Variants in ALDH2 observed in about 807,000 individuals in gnomAD.
ALDH2 encodes the protein aldehyde dehydrogenase, mitochondrial.
A neutral mutation model predicts 59.6 loss-of-function variants in ALDH2; 44 were observed. The ratio of observed to expected loss-of-function variants is 0.74; its 90% CI spans 0.58 to 0.95. ALDH2 has a LOEUF of 0.95. Among genes scored for constraint, ALDH2 ranks in the 40% least tolerant of loss-of-function variants. The pLI is 0.00. For missense variants in ALDH2, 570 were observed against 696.3 expected, an observed-to-expected ratio of 0.82 and a Z score of 2.04; for synonymous variants, 291 against 284.0, an observed-to-expected ratio of 1.02 and a Z score of -0.25.
intron 1 of ALDH2, among the ~76,000 whole-genome samples, chr12:111,768,016 T>A (rs1281933480): frequency 6.6e-6 from 1 of 152,264 alleles, no homozygotes; most frequent in Non-Finnish European, 1.5e-5. Context: ...TGTGCAGCAC[T>A]GTTCTAAGCG....
intron 2 of ALDH2, 79 bp from the exon 3 acceptor site, chr12:111,783,079 T>C (rs1336848515): frequency 1.8e-5 from 27 of 1,530,616 alleles, no homozygotes; most frequent in Non-Finnish European, 2.3e-5. Flanking sequence ...ACCTTCTGGA[T>C]GTGTTTGTAT....
intron 9 of ALDH2, among the ~76,000 whole-genome samples, chr12:111,796,766 T>A (rs2068407744): frequency 6.6e-6 from 1 of 151,476 alleles, no homozygotes; most frequent in African/African-American, 2.4e-5. Context: ...ATTACCCAGG[T>A]GTGGTGGCAC....
intron 1 of ALDH2, among the ~76,000 whole-genome samples, chr12:111,781,306 A>G (rs1431949077): frequency 6.6e-6 from 1 of 152,132 alleles, no homozygotes; most frequent in African/African-American, 2.4e-5. Flanking sequence ...GGCAGAAATG[A>G]GGCCAAGTGA....
intron 1 of ALDH2, among the ~76,000 whole-genome samples, chr12:111,773,600 T>C (rs1305251967): frequency 6.6e-6 from 1 of 152,164 alleles, no homozygotes; most frequent in East Asian, 1.9e-4. Context: ...AAGTTCACAT[T>C]AAGTATAACT....
chr12:111,784,884 T>C (rs1291153125), intron 3 of ALDH2, among the ~76,000 whole-genome samples: 2 of 152,220 alleles, frequency 1.3e-5, no homozygotes, highest in East Asian at 1.9e-4. Context: ...TGCAAGTCAC[T>C]ACATCCGGCC....
chr12:111,772,128 CTT>C, intron 1 of ALDH2, among the ~76,000 whole-genome samples: 1 of 152,012 alleles, frequency 6.6e-6, no homozygotes, highest in Non-Finnish European at 1.5e-5. Context: ...ACAAAAAAAA[CTT>C]AATACCCCAT....
intron 9 of ALDH2, among the ~76,000 whole-genome samples, chr12:111,794,779 T>C (rs1211548385): frequency 1.3e-5 from 2 of 152,184 alleles, no homozygotes; most frequent in Admixed American, 6.5e-5. Context: ...AGTCCTGGGA[T>C]TGCAGGTGTG....
At position 111,792,590 on chromosome 12, in the gene ALDH2, T is replaced by TTCAA; in HGVS notation, c.899-8_899-7insTCAA. On this transcript the variant is annotated splice_region_variant and splice_polypyrimidine_tract_variant and intron_variant, in intron 8 of 12. Transcript: ENST00000261733. ...GTCACCTTTCTGTCTCCTGCCCACTTCCCGCAGTGGATTGGGCCGTGGAAC... is the reference window on the plus strand; with the variant it reads ...GTCACCTTTCTGTCTCCTGCCCACTTTCAACCCGCAGTGGATTGGGCCGTGGAAC... The TTCAA allele has an allele frequency of 6.2e-7, 1 of 1,609,002 alleles. No individual in the cohort carries two copies. The highest frequency in any genetic ancestry group is 2.2e-5 in the East Asian group (1 of 44,808).
Position 111,798,084 on chromosome 12 carries a change from G to A in ALDH2, c.1090G>A (p.Glu364Lys), listed in dbSNP as rs546693939. The change falls in exon 10 of 13, where the codon GAA becomes AAA. Residue 364 changes from glutamate to lysine, a missense_variant. Transcript: ENST00000261733. ...SKTEQGPQVD[E>K]TQFKKILGYI... Reference sequence around the variant, plus strand: ...TGGGTTCCTTCTCCCACAGGTGGATGAAACTCAGTTTAAGAAGATCCTCGG... The same window carrying A: ...TGGGTTCCTTCTCCCACAGGTGGATAAAACTCAGTTTAAGAAGATCCTCGG... The A allele has an allele frequency of 1.9e-6, 3 of 1,614,182 alleles. No homozygotes were observed. Among genetic ancestry groups the A allele is most frequent in the South Asian group, 2.2e-5 (2 of 91,086 alleles).
chr12:111,785,184 C>A, intron 3 of ALDH2, 83 bp from the exon 4 acceptor site: 1 of 1,138,020 alleles, frequency 8.8e-7, no homozygotes, highest in Non-Finnish European at 1.3e-6. Flanking sequence ...CCTTCTCAGT[C>A]CCAGCCTTGG....
At chr12:111,790,287 AAAACCACGATGGATG>A in intron 5 of ALDH2, 132 bp from the exon 6 acceptor site, 2 of 1,046,008 alleles carry the variant, frequency 1.9e-6, no homozygotes, top group Non-Finnish European at 2.8e-6. Flanking sequence ...CATTCATCTT[AAAACCACGATGGATG>A]GAGTTAGGGG....
At chr12:111,788,273 G>A (rs1338372193) in intron 4 of ALDH2, among the ~76,000 whole-genome samples, 2 of 152,130 alleles carry the variant, frequency 1.3e-5, no homozygotes, top group African/African-American at 4.8e-5. Context: ...CACAGCCAGG[G>A]CAATCACGCC....
At chr12:111,780,455 A>G (rs530275509) in intron 1 of ALDH2, among the ~76,000 whole-genome samples, 2 of 152,286 alleles carry the variant, frequency 1.3e-5, no homozygotes, top group East Asian at 3.9e-4. Flanking sequence ...CAAATCTACC[A>G]GACTTATTCC....
intron 9 of ALDH2, among the ~76,000 whole-genome samples, chr12:111,795,949 G>T (rs901051077): frequency 2.0e-5 from 3 of 152,018 alleles, no homozygotes; most frequent in Admixed American, 6.6e-5. Flanking sequence ...ATATAAACTT[G>T]CATTAATAAA....
At chr12:111,767,913 T>C (rs1452203972) in intron 1 of ALDH2, among the ~76,000 whole-genome samples, 1 of 152,184 alleles carries the variant, frequency 6.6e-6, no homozygotes. Flanking sequence ...CTCCTATAAA[T>C]GGAAAGGCGC....
rs971804240 is a variant in ALDH2, at chr12:111,766,942, G to T, written c.-41G>T. The T allele has an allele frequency of 9.4e-6, 14 of 1,495,934 alleles. No homozygotes were observed. The highest frequency in any genetic ancestry group is 5.3e-5 in the East Asian group (2 of 37,646). The allele number at this position is 1,495,934 out of a possible 1,614,324, so 92.7% of individuals were successfully genotyped here. Reference sequence around the variant, plus strand: ...TCGGCTCAGTGGCCCTGAGACCCTAGCTCTGCTCTCGGTCCGCTCGCTGTC... The same window carrying T: ...TCGGCTCAGTGGCCCTGAGACCCTATCTCTGCTCTCGGTCCGCTCGCTGTC... On this transcript the variant is annotated 5_prime_UTR_variant, in exon 1 of 13. Transcript: ENST00000261733.
At chr12:111,782,815 C>T (rs1160585134) in intron 2 of ALDH2, among the ~76,000 whole-genome samples, 6 of 151,392 alleles carry the variant, frequency 4.0e-5, no homozygotes, top group Non-Finnish European at 5.9e-5. Context: ...ACCCGGGAGG[C>T]GGAGGTTGCA....
intron 9 of ALDH2, 51 bp downstream of exon 9, chr12:111,792,833 G>A: frequency 1.3e-6 from 2 of 1,511,804 alleles, no homozygotes. Context: ...AGCATGAGAA[G>A]CAGAGAGGGC....
At chr12:111,789,986 C>T in intron 5 of ALDH2, 52 bp downstream of exon 5, 2 of 1,548,340 alleles carry the variant, frequency 1.3e-6, no homozygotes, top group Non-Finnish European at 8.9e-7. Flanking sequence ...ATTTGGCAGT[C>T]TGCCAGACTC....
Sources: gnomAD v4.1 joint callset for allele counts (sites outside exome capture counted in the v4.1 genomes callset) on GRCh38, gnomAD v4.1.1 for gene constraint, MANE v1.5 for transcripts, NCBI Gene and HGNC (gene_info 2026-07-23, HGNC 2026-07-21) for gene names.